The following VPS13B variants were observed in gnomAD, a reference collection of about 807,000 sequenced individuals.
The protein encoded by VPS13B is intermembrane lipid transfer protein VPS13B.
A neutral mutation model predicts 426.4 loss-of-function variants in VPS13B; 285 were observed. The observed-to-expected ratio is 0.67, with a 90% CI of 0.61 to 0.74. The LOEUF is 0.74. Among genes scored for constraint, VPS13B ranks in the 30% least tolerant of loss-of-function variants. VPS13B has a pLI of 0.00. For synonymous variants in VPS13B, 1,676 were observed against 1,676.4 expected, an observed-to-expected ratio of 1.00 and a Z score of 0.01; for missense variants, 4,537 against 4,782.6, an observed-to-expected ratio of 0.95 and a Z score of 1.51.
chr8:99,334,896 T>G (rs1173380051), intron 19 of VPS13B, among the ~76,000 whole-genome samples: 3 of 152,166 alleles, frequency 2.0e-5, no homozygotes, highest in African/African-American at 7.2e-5. Context: ...GAGGATTCCC[T>G]CTTTTTCTGT....
At chr8:99,664,766 C>T (rs200283323) in intron 35 of VPS13B, among the ~76,000 whole-genome samples, 18 of 152,046 alleles carry the variant, frequency 1.2e-4, no homozygotes, top group African/African-American at 3.6e-4. Context: ...TGAATAGTGC[C>T]GCAATAAACA....
At chr8:99,361,392 C>G (rs1454692081) in intron 19 of VPS13B, among the ~76,000 whole-genome samples, 1 of 152,188 alleles carries the variant, frequency 6.6e-6, no homozygotes, top group African/African-American at 2.4e-5. Context: ...TCTTTTGAAA[C>G]TACTCAACTC....
chr8:99,556,037 C>G (rs1024625277), intron 30 of VPS13B, among the ~76,000 whole-genome samples: 9 of 151,936 alleles, frequency 5.9e-5, no homozygotes, highest in African/African-American at 2.2e-4. Flanking sequence ...AACAAAAAAC[C>G]CTGTATTTGT....
intron 17 of VPS13B, among the ~76,000 whole-genome samples, chr8:99,250,572 TA>T (rs35080267): frequency 0.72 from 109,544 of 151,484 alleles, 40,290 homozygotes; most frequent in Middle Eastern, 0.83. Context: ...TTTCTTTCAT[TA>T]AATTGTATTT....
At chr8:99,741,470 G>A (rs898644814) in intron 39 of VPS13B, among the ~76,000 whole-genome samples, 28 of 152,170 alleles carry the variant, frequency 1.8e-4, no homozygotes, top group East Asian at 7.7e-4. Context: ...TGCACCAAGC[G>A]GACCTAATAG....
At chr8:99,724,642 TTAAA>T (rs1054300835) in intron 39 of VPS13B, among the ~76,000 whole-genome samples, 1 of 152,128 alleles carries the variant, frequency 6.6e-6, no homozygotes, top group African/African-American at 2.4e-5. Context: ...TCTAATACAC[TTAAA>T]TAAATAAATG....
Position 99,391,588 on chromosome 8 carries a change from C to A in VPS13B, c.2966C>A (p.Pro989Gln). 6.2e-7 allele frequency: 1 copy of A among 1,614,100 alleles called. No homozygotes were observed. Among genetic ancestry groups the A allele is most frequent in the South Asian group, 1.1e-5 (1 of 91,080 alleles). ...QPVVAVPLVMPVCRRKEDEVS... is the reference protein window; with the variant it reads ...QPVVAVPLVMQVCRRKEDEVS... ...GTGGTAGCTGTTCCTCTTGTTATGCCAGTTTGTAGAAGGAAAGAGGATGAG... is the reference window on the plus strand; with the variant it reads ...GTGGTAGCTGTTCCTCTTGTTATGCAAGTTTGTAGAAGGAAAGAGGATGAG... Residue 989 changes from proline to glutamine, a missense_variant, in exon 21 of 62, where the codon CCA (proline) becomes CAA (glutamine). By Grantham distance (76) the Pro-to-Gln change is moderately conservative (BLOSUM62 -1). Coordinates refer to ENST00000357162, the MANE Select transcript of VPS13B (RefSeq NM_152564.5).
chr8:99,498,716 T>A (rs1159502064), intron 25 of VPS13B, among the ~76,000 whole-genome samples: 1 of 152,150 alleles, frequency 6.6e-6, no homozygotes. Context: ...TTTGTGCACA[T>A]ATAGCTGCAG....
chr8:99,378,063 G>A lies in VPS13B; in HGVS notation c.2825-6145G>A, dbSNP rs1212728431. Reference sequence around the variant, plus strand: ...CCTAGCAAGCCTGGGGGCGCTGCAGGAGGCCAGGACGTGTTTCATCCCTTA... The same window carrying A: ...CCTAGCAAGCCTGGGGGCGCTGCAGAAGGCCAGGACGTGTTTCATCCCTTA... On this transcript the variant is annotated intron_variant, in intron 19 of 61. Coordinates refer to ENST00000357162, the MANE Select transcript of VPS13B (RefSeq NM_152564.5). Among the ~76,000 whole-genome samples, 3 of 151,156 alleles carry A rather than the reference G, an allele frequency of 2.0e-5. No homozygotes were observed. The East Asian group carries it at 5.9e-4, about 30-fold the overall frequency.
chr8:99,522,034 G>A (rs1003317117), intron 30 of VPS13B, among the ~76,000 whole-genome samples: 1 of 152,032 alleles, frequency 6.6e-6, no homozygotes, highest in East Asian at 1.9e-4. Flanking sequence ...AGAGCAGAAA[G>A]CGTCTTTAGG....
At chr8:99,249,282 G>C (rs1485802153) in intron 17 of VPS13B, among the ~76,000 whole-genome samples, 1 of 152,050 alleles carries the variant, frequency 6.6e-6, no homozygotes, top group African/African-American at 2.4e-5. Context: ...TCTGTTGAAG[G>C]ACATATTTGT....
At chr8:99,291,449 G>C (rs1161632069) in intron 19 of VPS13B, among the ~76,000 whole-genome samples, 1 of 152,106 alleles carries the variant, frequency 6.6e-6, no homozygotes, top group Non-Finnish European at 1.5e-5. Flanking sequence ...ACAGGCTATG[G>C]AGATTTCAGA....
chr8:99,407,931 G>A (rs959300094), intron 21 of VPS13B, among the ~76,000 whole-genome samples: 1 of 152,104 alleles, frequency 6.6e-6, no homozygotes, highest in Non-Finnish European at 1.5e-5. Context: ...AGGAAATGGG[G>A]GATTGAGAGA....
chr8:99,111,005 T>TA (rs1295745405), intron 5 of VPS13B, 93 bp from the exon 6 acceptor site: 1 of 955,098 alleles, frequency 1.0e-6, no homozygotes, highest in Non-Finnish European at 1.5e-6. Flanking sequence ...TTTCTGTTAT[T>TA]ATTAATTTTA....
At chr8:99,574,580 T>C (rs1191133789) in intron 31 of VPS13B, among the ~76,000 whole-genome samples, 1 of 152,208 alleles carries the variant, frequency 6.6e-6, no homozygotes, top group Non-Finnish European at 1.5e-5. Flanking sequence ...TGTCTTTGGT[T>C]CTGTTTATAT....
chr8:99,246,310 C>A (rs1817216866), intron 17 of VPS13B, among the ~76,000 whole-genome samples: 2 of 152,164 alleles, frequency 1.3e-5, no homozygotes, highest in Admixed American at 6.5e-5. Flanking sequence ...TCAATAAAAT[C>A]TTTTTGTGTC....
intron 15 of VPS13B, among the ~76,000 whole-genome samples, chr8:99,157,750 T>C (rs1298203793): frequency 6.6e-6 from 1 of 152,222 alleles, no homozygotes; most frequent in East Asian, 1.9e-4. Flanking sequence ...GCCAGAAAGC[T>C]AGGCCTCTTT....
rs765354185 is a variant in VPS13B at position 99,832,700 on chromosome 8, A to G, written c.9614+48A>G. The stretch of plus-strand genomic sequence containing the variant: ...TCTGTTCTTCTTTGCTTGTCAGTCT[A>G]GCTGTTCATCTAGATGCCAAGAGAG... On this transcript the variant is annotated intron_variant, in intron 52 of 61. Transcript: ENST00000357162. The G allele has an allele frequency of 3.1e-6, 5 of 1,595,876 alleles. No homozygotes were observed. The Admixed American group carries it at 8.3e-5, about 27-fold the overall frequency.
intron 23 of VPS13B, among the ~76,000 whole-genome samples, chr8:99,464,755 T>G (rs1270828404): frequency 6.6e-6 from 1 of 152,172 alleles, no homozygotes; most frequent in Non-Finnish European, 1.5e-5. Context: ...ATAGTCTCAC[T>G]GGTTGTTCTT....
Sources: gnomAD v4.1 joint callset for allele counts (sites outside exome capture counted in the v4.1 genomes callset) on GRCh38, gnomAD v4.1.1 for gene constraint, MANE v1.5 for transcripts, NCBI Gene and HGNC (gene_info 2026-07-23, HGNC 2026-07-21) for gene names.